FER1L6: variants seen among roughly 807,000 people sequenced by gnomAD.
FER1L6 encodes the protein fer-1 like family member 6, also known as fer-1-like protein 6.
Under a neutral mutation model 219.2 loss-of-function variants are expected in FER1L6, and 177 were observed. The observed-to-expected ratio is 0.81, with a 90% CI of 0.71 to 0.91. The LOEUF (loss-of-function observed/expected upper bound fraction) is 0.91. Among genes scored for constraint, FER1L6 ranks in the 40% least tolerant of loss-of-function variants. FER1L6 has a pLI of 0.00. For synonymous variants in FER1L6, 768 were observed against 824.3 expected, an observed-to-expected ratio of 0.93 and a Z score of 1.17; for missense variants, 2,153 against 2,259.9, an observed-to-expected ratio of 0.95 and a Z score of 0.96.
chr8:123,947,153 G>A (rs762263237), intron 1 of FER1L6, among the ~76,000 whole-genome samples: 6 of 152,036 alleles, frequency 3.9e-5, no homozygotes, highest in Admixed American at 1.3e-4. Context: ...GGGTGTGGTG[G>A]CACGTGCCTG....
At chr8:123,898,785 G>A (rs9774080) in intron 1 of FER1L6, among the ~76,000 whole-genome samples, 197 of 63,198 alleles carry the variant, frequency 3.1e-3, no homozygotes, top group Admixed American at 5.0e-3. Context: ...ATATACGTAT[G>A]TACATATATA....
chr8:124,006,688 A>G (rs1026885859), intron 13 of FER1L6, among the ~76,000 whole-genome samples: 2 of 152,200 alleles, frequency 1.3e-5, no homozygotes, highest in African/African-American at 4.8e-5. Flanking sequence ...ATGACAGGTC[A>G]TCATGTGATG....
intron 20 of FER1L6, among the ~76,000 whole-genome samples, chr8:124,043,170 AG>A (rs2130744780): frequency 6.6e-6 from 1 of 152,352 alleles, no homozygotes; most frequent in Non-Finnish European, 1.5e-5. Context: ...GGGATCGGGT[AG>A]GATGGGTAAC....
chr8:124,043,823 T>C (rs1819608217), intron 20 of FER1L6, among the ~76,000 whole-genome samples: 1 of 152,218 alleles, frequency 6.6e-6, no homozygotes, highest in South Asian at 2.1e-4. Flanking sequence ...GTATGTTTGT[T>C]TGGGTGAACC....
chr8:124,004,387 C>T, intron 13 of FER1L6, among the ~76,000 whole-genome samples: 1 of 152,136 alleles, frequency 6.6e-6, no homozygotes, highest in East Asian at 1.9e-4. Flanking sequence ...TTTCTTCCCC[C>T]ATTTTGTATG....
chr8:124,060,502 C>T (rs1263391933), intron 23 of FER1L6, 46 bp from the exon 24 acceptor site: 3 of 1,604,682 alleles, frequency 1.9e-6, no homozygotes, highest in African/African-American at 2.7e-5. Context: ...AGGTGTGGGG[C>T]TCCTCCGTGG....
intron 5 of FER1L6, among the ~76,000 whole-genome samples, chr8:123,967,577 T>C (rs538174584): frequency 6.6e-6 from 1 of 152,356 alleles, no homozygotes; most frequent in Non-Finnish European, 1.5e-5. Flanking sequence ...CAATTTATAC[T>C]CAAATGAACA....
At chr8:124,072,673 C>T (rs1345593193) in intron 31 of FER1L6, among the ~76,000 whole-genome samples, 3 of 152,188 alleles carry the variant, frequency 2.0e-5, no homozygotes, top group African/African-American at 7.2e-5. Context: ...CCCACAACCA[C>T]CATGTGCCAG....
chr8:124,070,340 A>G (rs934877981), intron 29 of FER1L6, 127 bp from the exon 30 acceptor site: 14 of 949,158 alleles, frequency 1.5e-5, no homozygotes, highest in Middle Eastern at 2.8e-4. Context: ...AAGATAAATT[A>G]CCAGTGGCCT....
At chr8:123,904,199 A>G (rs1361509724) in intron 1 of FER1L6, among the ~76,000 whole-genome samples, 1 of 149,192 alleles carries the variant, frequency 6.7e-6, no homozygotes, top group African/African-American at 2.5e-5. Context: ...AAGCATTTGC[A>G]TATTTTAGAA....
chr8:123,973,495 C>T lies in FER1L6; in HGVS notation c.509C>T (p.Thr170Ile). The T allele has an allele frequency of 1.2e-6, 2 of 1,613,532 alleles. No homozygotes were observed. The highest frequency in any genetic ancestry group is 1.7e-6 in the Non-Finnish European group (2 of 1,179,484). The change falls in exon 7 of 41, where the codon ACC becomes ATC. Residue 170 changes from threonine to isoleucine, a missense_variant. Coordinates refer to ENST00000522917, the MANE Select transcript of FER1L6 (RefSeq NM_001039112.2). ...LIGSFKVDLG[T>I]VYNQPGHQFC... Reference sequence around the variant, plus strand: ...GGCTCTTTCAAAGTAGACCTGGGGACCGTGTACAACCAACCTGGTAAGAAA... The same window carrying T: ...GGCTCTTTCAAAGTAGACCTGGGGATCGTGTACAACCAACCTGGTAAGAAA...
At chr8:124,028,001 A>G (rs1052555657) in intron 18 of FER1L6, among the ~76,000 whole-genome samples, 5 of 152,258 alleles carry the variant, frequency 3.3e-5, no homozygotes, top group African/African-American at 1.2e-4. Context: ...AAATATTTAT[A>G]TTAAAAATAG....
intron 12 of FER1L6, among the ~76,000 whole-genome samples, chr8:123,997,049 A>G (rs1376672625): frequency 4.6e-5 from 7 of 152,146 alleles, no homozygotes. Context: ...AGACACCACA[A>G]TTACAGTGTT....
chr8:124,017,770 C>G, intron 16 of FER1L6, 52 bp downstream of exon 16: 1 of 1,458,060 alleles, frequency 6.9e-7, no homozygotes, highest in Non-Finnish European at 9.6e-7. Flanking sequence ...ATAAACCTCA[C>G]GGATGAGGCA....
Position 124,017,730 on chromosome 8 carries a change from T to C in FER1L6, c.2013+12T>C. The C allele has an allele frequency of 6.2e-7, 1 of 1,606,152 alleles. No individual in the cohort carries two copies. The highest frequency in any genetic ancestry group is 1.1e-5 in the South Asian group (1 of 90,746). On this transcript the variant is annotated intron_variant, in intron 16 of 40. Transcript: ENST00000522917. ...GCTGGCAGGAGCTGGTATGTGAAAA[T>C]CTATTTATACTTTGTGGACAGAGTT...
At chr8:123,917,548 G>A (rs1449629062) in intron 1 of FER1L6, among the ~76,000 whole-genome samples, 1 of 152,144 alleles carries the variant, frequency 6.6e-6, no homozygotes. Context: ...TGTTCCAGAT[G>A]TTATCTCCTT....
intron 1 of FER1L6, among the ~76,000 whole-genome samples, chr8:123,878,164 A>C (rs991560441): frequency 2.0e-5 from 3 of 152,210 alleles, no homozygotes; most frequent in Non-Finnish European, 4.4e-5. Flanking sequence ...TCCCAGTTCC[A>C]AAGCCTCCCA....
intron 11 of FER1L6, chr8:123,985,521 G>A (rs1035121423): frequency 2.0e-5 from 3 of 153,048 alleles, no homozygotes; most frequent in Non-Finnish European, 2.9e-5. Flanking sequence ...TATACTTGGC[G>A]AAGTTACTTG....
chr8:124,036,574 T>C (rs962954188), intron 19 of FER1L6, among the ~76,000 whole-genome samples: 71 of 152,236 alleles, frequency 4.7e-4, no homozygotes, highest in Non-Finnish European at 1.8e-4. Context: ...CAAACCCTGC[T>C]TTCTTTCTAC....
Sources: allele counts gnomAD v4.1 joint callset (sites outside exome capture counted in the v4.1 genomes callset), GRCh38; gene constraint gnomAD v4.1.1; transcripts MANE v1.5; gene names NCBI Gene and HGNC (gene_info 2026-07-23, HGNC 2026-07-21).